The following XPO1 variants were observed in gnomAD, a reference collection of about 807,000 sequenced individuals.
XPO1 encodes the protein exportin 1, also known as exportin-1.
Under a neutral mutation model 133.3 loss-of-function variants are expected in XPO1, and 5 were observed. The observed-to-expected ratio is 0.04, with a 90% CI of 0.02 to 0.08. XPO1 has a LOEUF of 0.08. Among genes scored for constraint, XPO1 ranks in the 10% least tolerant of loss-of-function variants. XPO1 has a pLI of 1.00. For missense variants in XPO1, 506 were observed against 1,267.5 expected (o/e 0.40, Z 9.12); for synonymous variants, 419 against 408.2 (o/e 1.03, Z -0.32).
intron 4 of XPO1, among the ~76,000 whole-genome samples, chr2:61,515,425 A>G (rs1158601211): frequency 6.6e-6 from 1 of 152,226 alleles, no homozygotes; most frequent in African/African-American, 2.4e-5. Flanking sequence ...ACAGAAAAGT[A>G]GGTGTTAGTG....
At chr2:61,507,909 A>C (rs1697906984) in intron 4 of XPO1, among the ~76,000 whole-genome samples, 2 of 152,182 alleles carry the variant, frequency 1.3e-5, no homozygotes, top group Admixed American at 6.6e-5. Context: ...TTAATTAATT[A>C]ATTCCAAAGA....
chr2:61,484,447 A>G, intron 20 of XPO1: 1 of 205,182 alleles, frequency 4.9e-6, no homozygotes, highest in Non-Finnish European at 9.7e-6. Context: ...GTTACCGTGT[A>G]AATGTGTCCA....
chr2:61,482,821 C>G, intron 22 of XPO1, 136 bp downstream of exon 22: 1 of 1,037,310 alleles, frequency 9.6e-7, no homozygotes, highest in Admixed American at 2.9e-5. Context: ...CAGACAGTTT[C>G]ACCATGGTGG....
At chr2:61,527,972 G>A (rs1470575442) in intron 2 of XPO1, among the ~76,000 whole-genome samples, 1 of 150,506 alleles carries the variant, frequency 6.6e-6, no homozygotes, top group Non-Finnish European at 1.5e-5. Flanking sequence ...TGTCACCCAG[G>A]CTGGAGTGCA....
intron 4 of XPO1, among the ~76,000 whole-genome samples, chr2:61,507,406 T>G (rs1292131668): frequency 6.6e-6 from 1 of 151,844 alleles, no homozygotes. Flanking sequence ...AGGCCCCATT[T>G]CCACAAAAAA....
intron 17 of XPO1, among the ~76,000 whole-genome samples, chr2:61,490,206 T>TA (rs992299319): frequency 3.4e-5 from 5 of 149,062 alleles, no homozygotes; most frequent in South Asian, 2.1e-4. Context: ...TTCATTTATT[T>TA]TTTTTTTTTT....
chr2:61,500,568 G>A (rs1697456535), intron 6 of XPO1, among the ~76,000 whole-genome samples: 1 of 61,302 alleles, frequency 1.6e-5, no homozygotes, highest in Non-Finnish European at 2.8e-5. Flanking sequence ...AACAGGATGA[G>A]ACTCCATCTC....
intron 3 of XPO1, among the ~76,000 whole-genome samples, 170 bp from the exon 4 acceptor site, chr2:61,522,853 G>A (rs905888446): frequency 1.3e-5 from 2 of 152,146 alleles, no homozygotes; most frequent in Non-Finnish European, 2.9e-5. Context: ...CATATACTGA[G>A]TTTTCATGCA....
In XPO1 at chr2:61,503,709, C is replaced by G. The variant is rs1241312632; in HGVS notation, c.302-1399G>C. Among the ~76,000 whole-genome samples, 7 of 152,226 alleles carry G rather than the reference C, an allele frequency of 4.6e-5. No individual in the cohort carries two copies. The Middle Eastern group carries it at 0.01, about 222-fold the overall frequency. On this transcript the variant is annotated intron_variant, in intron 4 of 24. Transcript: ENST00000401558. ...AAAGTGCTGGGATTACAGGCGTGAG[C>G]CACTGCGCCCAGCACACCCAGCTAC...
chr2:61,494,144 A>G, intron 11 of XPO1, 53 bp from the exon 12 acceptor site: 1 of 1,531,970 alleles, frequency 6.5e-7, no homozygotes, highest in South Asian at 1.2e-5. Flanking sequence ...ACCAACTTCA[A>G]ATTGCTTTTC....
intron 24 of XPO1, chr2:61,480,346 C>G (rs892543866): frequency 2.1e-4 from 29 of 134,928 alleles, no homozygotes; most frequent in African/African-American, 7.0e-4. Flanking sequence ...ATGACGTGAT[C>G]TCGGCTCACC....
intron 4 of XPO1, among the ~76,000 whole-genome samples, chr2:61,518,375 ACC>A (rs370697897): frequency 2.7e-5 from 4 of 150,242 alleles, no homozygotes; most frequent in Admixed American, 1.3e-4. Flanking sequence ...ACACGGTGAA[ACC>A]CCGTCTCTAC....
At chr2:61,527,933 T>C (rs1254596294) in intron 2 of XPO1, among the ~76,000 whole-genome samples, 1 of 146,266 alleles carries the variant, frequency 6.8e-6, no homozygotes. Flanking sequence ...TTTTCTCTCT[T>C]TTTTTTTTTT....
chr2:61,527,077 GTTTA>G (rs775952425), intron 2 of XPO1, among the ~76,000 whole-genome samples: 166 of 152,194 alleles, frequency 1.1e-3, no homozygotes, highest in Non-Finnish European at 1.9e-3. Context: ...AGTAAATCTG[GTTTA>G]TTTTTTAGTC....
Position 61,482,494 on chromosome 2 carries a change from A to G in XPO1, c.2858T>C (p.Val953Ala). The change falls in exon 23 of 25, where the codon GTT (valine) becomes GCT (alanine). Residue 953 changes from valine to alanine, a missense_variant. Coordinates refer to ENST00000401558, the MANE Select transcript of XPO1 (RefSeq NM_003400.4). ...TGATGTACTTATTTTTCCTTCTTCA[A>G]CCAAATTAAACATATATGCAAGAAT... Reference protein sequence around the residue: ...ASILAYMFNLVEEGKISTSLN... With the variant: ...ASILAYMFNLAEEGKISTSLN... 1 of 1,612,876 alleles carries G rather than the reference A, an allele frequency of 6.2e-7. No individual in the cohort carries two copies. Among genetic ancestry groups the G allele is most frequent in the African/African-American group, 1.3e-5 (1 of 75,022 alleles).
chr2:61,516,073 C>A (rs1247962193), intron 4 of XPO1, among the ~76,000 whole-genome samples: 1 of 151,198 alleles, frequency 6.6e-6, no homozygotes, highest in East Asian at 1.9e-4. Context: ...ATCCAGTGAC[C>A]CAAGATCTCG....
chr2:61,488,078 T>C lies in XPO1; in HGVS notation c.2313+87A>G, dbSNP rs1696784529. 4 of 1,188,098 alleles carry C rather than the reference T, an allele frequency of 3.4e-6. No homozygotes were observed. The South Asian group carries it at 4.0e-5, about 12-fold the overall frequency. 73.6% of individuals were successfully genotyped at this position (1,188,098 alleles called of 1,614,324 possible). A position where few individuals can be genotyped will look rare whatever the true frequency, so the allele number is the denominator to read the frequency against. On this transcript the variant is annotated intron_variant, in intron 19 of 24. Transcript: ENST00000401558. ...ACCACAAAGTTGATATGCTTTAAAT[T>C]AGCAAAATGCACATAATAGAGTATA...
intron 4 of XPO1, among the ~76,000 whole-genome samples, chr2:61,505,719 T>C (rs994075045): frequency 9.2e-5 from 14 of 152,144 alleles, no homozygotes; most frequent in Non-Finnish European, 1.5e-4. Context: ...CCACCGCACC[T>C]GGCTTTTTTT....
intron 23 of XPO1, among the ~76,000 whole-genome samples, chr2:61,482,034 C>CTTTTTTTTTTTT (rs1195049382): frequency 1.4e-5 from 1 of 71,368 alleles, no homozygotes; most frequent in South Asian, 5.5e-4. Context: ...CGTGCGTGGC[C>CTTTTTTTTTTTT]TTTTTTTTTT....
Sources: gnomAD v4.1 joint callset for allele counts (sites outside exome capture counted in the v4.1 genomes callset) on GRCh38, gnomAD v4.1.1 for gene constraint, MANE v1.5 for transcripts, NCBI Gene and HGNC (gene_info 2026-07-23, HGNC 2026-07-21) for gene names.